MYO1F: variants seen among roughly 807,000 people sequenced by gnomAD.
MYO1F encodes unconventional myosin-If.
MYO1F carries 60 observed loss-of-function variants against 146.6 expected under a neutral mutation model. That is an observed-to-expected ratio of 0.41 (90% CI 0.33 to 0.51). MYO1F has a LOEUF of 0.51. Ranked by LOEUF, MYO1F falls within the 20% of genes least tolerant of loss-of-function variation. The pLI is 0.25. For synonymous variants in MYO1F, 602 were observed against 602.1 expected, an observed-to-expected ratio of 1.00 and a Z score of 0.00; for missense variants, 1,274 against 1,534.3, an observed-to-expected ratio of 0.83 and a Z score of 2.83.
At chr19:8,561,409 CTCTCCCTCCCTTCCTT>C (rs1474077810) in intron 1 of MYO1F, among the ~76,000 whole-genome samples, 2 of 47,186 alleles carry the variant, frequency 4.2e-5, no homozygotes, top group Non-Finnish European at 7.5e-5. Context: ...TTCCTTTCTC[CTCTCCCTCCCTTCCTT>C]TCTCCTCTCC....
At chr19:8,525,735 C>T (rs1010507953) in intron 24 of MYO1F, among the ~76,000 whole-genome samples, 173 bp from the exon 25 acceptor site, 2 of 152,162 alleles carry the variant, frequency 1.3e-5, no homozygotes, top group African/African-American at 4.8e-5. Context: ...CCTCGCCCCC[C>T]AAGGGCCCAA....
chr19:8,553,089 A>G, intron 6 of MYO1F, 50 bp downstream of exon 6: 1 of 1,542,946 alleles, frequency 6.5e-7, no homozygotes, highest in Middle Eastern at 1.9e-4. Context: ...GTGTGTAGAA[A>G]GGTCAGCACG....
intron 15 of MYO1F, among the ~76,000 whole-genome samples, chr19:8,541,546 C>T (rs1393982337): frequency 6.6e-6 from 1 of 150,984 alleles, no homozygotes; most frequent in Non-Finnish European, 1.5e-5. Flanking sequence ...CTTATGCTTC[C>T]ACCTCCTGAG....
At chr19:8,568,807 G>A (rs2145977422) in intron 1 of MYO1F, among the ~76,000 whole-genome samples, 1 of 152,214 alleles carries the variant, frequency 6.6e-6, no homozygotes, top group South Asian at 2.1e-4. Context: ...TGTAGTCTTA[G>A]CTATCCGGGA....
chr19:8,525,713 C>G (rs905527783), intron 24 of MYO1F, 151 bp from the exon 25 acceptor site: 1 of 749,726 alleles, frequency 1.3e-6, no homozygotes, highest in Non-Finnish European at 2.3e-6. Flanking sequence ...ACTGGCTCCG[C>G]CCACTAATTG....
At chr19:8,551,504 A>G (rs542542861) in intron 8 of MYO1F, 11 of 532,376 alleles carry the variant, frequency 2.1e-5, no homozygotes, top group South Asian at 2.0e-4. Flanking sequence ...GTCACACGCC[A>G]CCACATCTGG....
At chr19:8,531,987 G>T (rs1054017612) in intron 19 of MYO1F, among the ~76,000 whole-genome samples, 1 of 151,912 alleles carries the variant, frequency 6.6e-6, no homozygotes, top group Non-Finnish European at 1.5e-5. Flanking sequence ...GTGTGGTGGC[G>T]CATGCCTGTC....
Position 8,550,557 on chromosome 19 carries a change from C to T in MYO1F, c.904+5G>A. 6.2e-7 allele frequency: 1 copy of T among 1,614,192 alleles called. No homozygotes were observed. The highest frequency in any genetic ancestry group is 8.5e-7 in the Non-Finnish European group (1 of 1,180,034). On this transcript the variant is annotated splice_donor_5th_base_variant and intron_variant, in intron 9 of 27. Coordinates refer to ENST00000644032, the MANE Select transcript of MYO1F (RefSeq NM_012335.4). ...CATCCAGCCCTCCCTGATACCCACA[C>T]TCACGGTCCACACTCTCCACTCGGG...
At chr19:8,542,125 A>C in intron 14 of MYO1F, 134 bp from the exon 15 acceptor site, 2 of 678,616 alleles carry the variant, frequency 2.9e-6, no homozygotes, top group Non-Finnish European at 5.3e-6. Flanking sequence ...GGCAGTGTCT[A>C]CAGCGCTGGC....
chr19:8,545,910 A>C (rs151220096), intron 12 of MYO1F, among the ~76,000 whole-genome samples, 174 bp from the exon 13 acceptor site: 2 of 152,264 alleles, frequency 1.3e-5, no homozygotes, highest in African/African-American at 4.8e-5. Context: ...TGGTTTCAGC[A>C]GTCCTTGACC....
At chr19:8,532,191 T>C (rs2145841785) in intron 19 of MYO1F, among the ~76,000 whole-genome samples, 1 of 150,798 alleles carries the variant, frequency 6.6e-6, no homozygotes, top group South Asian at 2.1e-4. Flanking sequence ...ATCTGATGTG[T>C]AGAACTGTGA....
At chr19:8,534,771 G>A (rs1972634934) in intron 19 of MYO1F, among the ~76,000 whole-genome samples, 1 of 151,354 alleles carries the variant, frequency 6.6e-6, no homozygotes, top group South Asian at 2.1e-4. Flanking sequence ...GATTACAGGT[G>A]CGCACCACCA....
At position 8,541,778 on chromosome 19, in the gene MYO1F, G is replaced by C. The variant is rs572899964; in HGVS notation, c.1610+128C>G. 8.1e-4 allele frequency: 702 copies of C among 871,304 alleles called. 6 individuals carry two copies. In the African/African-American group the frequency reaches 0.01, roughly 13 times the overall value. 54.0% of individuals were successfully genotyped at this position (871,304 alleles called of 1,614,324 possible). On this transcript the variant is annotated intron_variant, in intron 15 of 27. Coordinates refer to ENST00000644032, the MANE Select transcript of MYO1F (RefSeq NM_012335.4). ...ACTAGTCCATAGAAACACCATCCTGGCCGCACAGCCACTCCCCTCGAGTTT... is the reference window on the plus strand; with the variant it reads ...ACTAGTCCATAGAAACACCATCCTGCCCGCACAGCCACTCCCCTCGAGTTT...
chr19:8,566,503 T>A lies in MYO1F; in HGVS notation c.4-10707A>T, dbSNP rs549764175. ...TTTTAAAAAAAATTTTATTTTTATT[T>A]ATTTAATTTAATTAATTTATTTATT... On this transcript the variant is annotated intron_variant, in intron 1 of 27. Coordinates refer to ENST00000644032, the MANE Select transcript of MYO1F (RefSeq NM_012335.4). Among the ~76,000 whole-genome samples, 21 of 149,620 alleles carry A rather than the reference T, an allele frequency of 1.4e-4. 1 individual carries two copies. The South Asian group carries it at 4.0e-3, about 28-fold the overall frequency.
chr19:8,558,389 C>T (rs1973943592), intron 1 of MYO1F, among the ~76,000 whole-genome samples: 1 of 151,962 alleles, frequency 6.6e-6, no homozygotes, highest in Non-Finnish European at 1.5e-5. Context: ...TGGTCTTTAA[C>T]TTCTGGCCTC....
Position 8,552,144 on chromosome 19 carries a change from C to T in MYO1F, c.525G>A (p.Gln175=). 1 of 1,614,136 alleles carries T rather than the reference C, an allele frequency of 6.2e-7. No homozygotes were observed. Among genetic ancestry groups the T allele is most frequent in the Non-Finnish European group, 8.5e-7 (1 of 1,180,026 alleles). ...SSRFGKYFEI[Q]FSRGGEPDGG... ...CATCTGGCTCCCCACCTCGGCTGAACTGGATCTCAAAGTACTTGCCCTGAA... is the reference window on the plus strand; with the variant it reads ...CATCTGGCTCCCCACCTCGGCTGAATTGGATCTCAAAGTACTTGCCCTGAA... Residue 175 remains glutamine, a synonymous_variant, in exon 7 of 28, where the codon CAG becomes CAA. Transcript: ENST00000644032.
At chr19:8,554,203 C>T (rs1973747413) in intron 4 of MYO1F, among the ~76,000 whole-genome samples, 1 of 152,130 alleles carries the variant, frequency 6.6e-6, no homozygotes, top group South Asian at 2.1e-4. Context: ...GAGATCCTCT[C>T]GCCTTGGCCT....
At chr19:8,561,628 CTT>C (rs1568369261) in intron 1 of MYO1F, among the ~76,000 whole-genome samples, 2 of 129,374 alleles carry the variant, frequency 1.5e-5, no homozygotes, top group Non-Finnish European at 3.1e-5. Context: ...TTTCTTTCTT[CTT>C]TCTTTCCTTC....
intron 17 of MYO1F, 24 bp from the exon 18 acceptor site, chr19:8,536,621 C>A (rs768607061): frequency 3.2e-6 from 5 of 1,551,874 alleles, no homozygotes; most frequent in Non-Finnish European, 4.4e-6. Flanking sequence ...TAGGCTGAGT[C>A]CCCTCGGGGT....
Sources: gnomAD v4.1 joint callset for allele counts (sites outside exome capture counted in the v4.1 genomes callset) on GRCh38, gnomAD v4.1.1 for gene constraint, MANE v1.5 for transcripts, NCBI Gene and HGNC (gene_info 2026-07-23, HGNC 2026-07-21) for gene names.